DNM3: variants seen among roughly 807,000 people sequenced by gnomAD.
DNM3 encodes the protein dynamin 3.
Under a neutral mutation model 101.6 loss-of-function variants are expected in DNM3, and 47 were observed. That is an observed-to-expected ratio of 0.46 (90% CI 0.37 to 0.59). The LOEUF is 0.59. Among genes scored for constraint, DNM3 ranks in the 20% least tolerant of loss-of-function variants. DNM3 has a pLI of 0.00. For synonymous variants in DNM3, 385 were observed against 387.9 expected (o/e 0.99, Z 0.09); for missense variants, 849 against 1,085.7 (o/e 0.78, Z 3.06).
intron 15 of DNM3, among the ~76,000 whole-genome samples, chr1:172,259,320 G>C (rs997565754): frequency 1.3e-5 from 2 of 152,012 alleles, no homozygotes; most frequent in Admixed American, 1.3e-4. Context: ...CAGTCTAGAT[G>C]ATCTGTCTTA....
chr1:171,946,095 ACAAGGAC>A (rs1323707709), intron 2 of DNM3, among the ~76,000 whole-genome samples: 17 of 152,136 alleles, frequency 1.1e-4, no homozygotes, highest in African/African-American at 4.1e-4. Flanking sequence ...GAGTTTTAAG[ACAAGGAC>A]CATCATATTC....
At position 172,317,152 on chromosome 1, in the gene DNM3, G is replaced by A. The variant is rs548587144; in HGVS notation, c.1882-6177G>A. Among the ~76,000 whole-genome samples the A allele has an allele frequency of 6.6e-3, 1,002 of 151,008 alleles. 10 individuals are homozygous for A. The highest frequency in any genetic ancestry group is 7.2e-3 in the Non-Finnish European group (489 of 67,780). ...CCTGAATGACTACTGGGTACATAAC[G>A]AAATGAAGGCAGAAATAAAGATGTT... is the stretch of plus-strand genomic sequence containing the variant. On this transcript the variant is annotated intron_variant, in intron 16 of 20. Transcript: ENST00000627582.
At chr1:172,070,885 C>T (rs183931638) in intron 11 of DNM3, among the ~76,000 whole-genome samples, 4 of 151,366 alleles carry the variant, frequency 2.6e-5, no homozygotes, top group Admixed American at 6.6e-5. Flanking sequence ...GTCAGGAGTT[C>T]GAGACCAGGC....
At chr1:172,209,292 G>A (rs1039967184) in intron 14 of DNM3, among the ~76,000 whole-genome samples, 4 of 151,962 alleles carry the variant, frequency 2.6e-5, no homozygotes, top group African/African-American at 9.7e-5. Context: ...AATCAAACCT[G>A]CTGACACCTT....
intron 14 of DNM3, among the ~76,000 whole-genome samples, chr1:172,159,241 G>A (rs1334433210): frequency 6.6e-6 from 1 of 151,982 alleles, no homozygotes; most frequent in Non-Finnish European, 1.5e-5. Flanking sequence ...AGCATTACCT[G>A]TGTGTGAGTC....
chr1:172,347,586 G>A (rs528504655), intron 17 of DNM3, among the ~76,000 whole-genome samples: 51 of 152,254 alleles, frequency 3.3e-4, no homozygotes, highest in African/African-American at 1.2e-3. Context: ...CAGAGAATTA[G>A]TAAACTGGAA....
intron 14 of DNM3, chr1:172,137,822 A>C (rs1322035739): frequency 6.6e-6 from 1 of 152,196 alleles, no homozygotes; most frequent in African/African-American, 2.4e-5. Flanking sequence ...AAGTATTTAA[A>C]GTATTCATAG....
At chr1:172,324,582 A>C (rs2065864980) in intron 17 of DNM3, among the ~76,000 whole-genome samples, 1 of 152,158 alleles carries the variant, frequency 6.6e-6, no homozygotes, top group South Asian at 2.1e-4. Flanking sequence ...TATGATTTTT[A>C]AAAACAGCAG....
At chr1:172,171,034 T>C (rs970698592) in intron 14 of DNM3, among the ~76,000 whole-genome samples, 15 of 151,954 alleles carry the variant, frequency 9.9e-5, no homozygotes, top group Non-Finnish European at 2.1e-4. Context: ...TGATCTCTTC[T>C]GTATGCTGGT....
At chr1:172,161,994 T>C (rs1284487897) in intron 14 of DNM3, among the ~76,000 whole-genome samples, 3 of 152,112 alleles carry the variant, frequency 2.0e-5, no homozygotes. Flanking sequence ...TCTAAGGCAA[T>C]ATTTTGGATA....
chr1:172,255,952 A>G (rs2062379386), intron 15 of DNM3, among the ~76,000 whole-genome samples: 1 of 152,160 alleles, frequency 6.6e-6, no homozygotes, highest in African/African-American at 2.4e-5. Context: ...GTTGAATTTT[A>G]TCAACCTCTC....
At chr1:172,220,325 G>A (rs914908634) in intron 14 of DNM3, among the ~76,000 whole-genome samples, 1 of 152,112 alleles carries the variant, frequency 6.6e-6, no homozygotes, top group Non-Finnish European at 1.5e-5. Context: ...TTATGACAGA[G>A]GAGCTGTATA....
chr1:172,155,128 C>T (rs1466695107), intron 14 of DNM3, among the ~76,000 whole-genome samples: 1 of 151,846 alleles, frequency 6.6e-6, no homozygotes. Flanking sequence ...GGAACACACT[C>T]AGTTAAGATA....
At chr1:171,854,033 T>C (rs2125009901) in intron 1 of DNM3, among the ~76,000 whole-genome samples, 1 of 152,302 alleles carries the variant, frequency 6.6e-6, no homozygotes, top group South Asian at 2.1e-4. Flanking sequence ...ATGACCAAAA[T>C]GGGTTCAAAC....
intron 17 of DNM3, chr1:172,376,615 G>T (rs2068617549): frequency 6.6e-6 from 1 of 152,008 alleles, no homozygotes; most frequent in Non-Finnish European, 1.5e-5. Flanking sequence ...GGTAGAAGGG[G>T]CAGTTTACTG....
chr1:172,288,132 G>A (rs1437985020), intron 15 of DNM3, among the ~76,000 whole-genome samples: 1 of 152,156 alleles, frequency 6.6e-6, no homozygotes, highest in Non-Finnish European at 1.5e-5. Context: ...TATTCTCATG[G>A]AATTCACAGT....
intron 13 of DNM3, among the ~76,000 whole-genome samples, chr1:172,124,869 G>A (rs1019949410): frequency 3.9e-5 from 6 of 152,186 alleles, no homozygotes; most frequent in Non-Finnish European, 8.8e-5. Context: ...GGCCTGCCAG[G>A]CCTGTAAATG....
intron 9 of DNM3, among the ~76,000 whole-genome samples, chr1:172,047,417 G>T (rs2049895435): frequency 6.6e-6 from 1 of 152,112 alleles, no homozygotes; most frequent in Admixed American, 6.6e-5. Context: ...GCACAGGTGG[G>T]ATTTGAATAG....
At chr1:172,135,127 A>G (rs1249783579) in intron 14 of DNM3, among the ~76,000 whole-genome samples, 1 of 152,066 alleles carries the variant, frequency 6.6e-6, no homozygotes, top group Non-Finnish European at 1.5e-5. Flanking sequence ...GAGTTGTTGG[A>G]ATTTGATAAA....
Sources: gnomAD v4.1 joint callset for allele counts (sites outside exome capture counted in the v4.1 genomes callset) on GRCh38, gnomAD v4.1.1 for gene constraint, MANE v1.5 for transcripts, NCBI Gene and HGNC (gene_info 2026-07-23, HGNC 2026-07-21) for gene names.